Variants in CLOCK observed in about 807,000 individuals in gnomAD.
CLOCK encodes the protein clock circadian regulator, also known as circadian locomoter output cycles protein kaput.
CLOCK carries 43 observed loss-of-function variants against 118.4 expected under a neutral mutation model. The ratio of observed to expected loss-of-function variants is 0.36; its 90% CI spans 0.28 to 0.47. The LOEUF (loss-of-function observed/expected upper bound fraction) is 0.47. CLOCK is among the 20% of genes least tolerant of loss of function. The probability of loss-of-function intolerance (pLI) is 1.00; values close to 1 mark genes in which losing one functional copy is unlikely to be tolerated. For missense variants in CLOCK, 846 were observed against 999.9 expected (o/e 0.85, Z 2.08); for synonymous variants, 326 against 339.2 (o/e 0.96, Z 0.43).
At chr4:55,518,506 G>C (rs924537569) in intron 1 of CLOCK, among the ~76,000 whole-genome samples, 4 of 152,158 alleles carry the variant, frequency 2.6e-5, no homozygotes, top group Non-Finnish European at 5.9e-5. Flanking sequence ...TCAGTGCTAT[G>C]GTCTAAATGT....
intron 2 of CLOCK, among the ~76,000 whole-genome samples, chr4:55,495,948 G>C (rs1195138984): frequency 1.3e-5 from 2 of 152,128 alleles, no homozygotes; most frequent in Non-Finnish European, 2.9e-5. Context: ...CAGCACTTTG[G>C]GAGGTCAAGG....
chr4:55,499,863 C>G (rs549100151), intron 2 of CLOCK, among the ~76,000 whole-genome samples: 1 of 152,272 alleles, frequency 6.6e-6, no homozygotes, highest in East Asian at 1.9e-4. Context: ...TGTGTTCATA[C>G]ATGCAATTAG....
chr4:55,472,578 G>C (rs1242853334), intron 7 of CLOCK, among the ~76,000 whole-genome samples: 1 of 152,084 alleles, frequency 6.6e-6, no homozygotes, highest in Non-Finnish European at 1.5e-5. Flanking sequence ...CCTCTGATAG[G>C]AACCATGTAT....
At chr4:55,498,511 T>C (rs1335343770) in intron 2 of CLOCK, among the ~76,000 whole-genome samples, 1 of 152,118 alleles carries the variant, frequency 6.6e-6, no homozygotes, top group Non-Finnish European at 1.5e-5. Flanking sequence ...GATTTTGCAA[T>C]ATATAATTTA....
chr4:55,505,528 G>A (rs1728744604), intron 2 of CLOCK, among the ~76,000 whole-genome samples: 1 of 151,882 alleles, frequency 6.6e-6, no homozygotes, highest in Non-Finnish European at 1.5e-5. Context: ...GCTGGGTGTT[G>A]TGGCACGTGC....
intron 1 of CLOCK, among the ~76,000 whole-genome samples, chr4:55,526,997 A>G (rs1730246809): frequency 6.6e-6 from 1 of 151,876 alleles, no homozygotes; most frequent in African/African-American, 2.4e-5. Flanking sequence ...AACAATTAAA[A>G]AAAAAAAGGT....
chr4:55,540,650 C>G lies in CLOCK; in HGVS notation c.-290+6132G>C, dbSNP rs555725162. The G allele has an allele frequency of 3.9e-5, 6 of 152,332 alleles. No homozygotes were observed. The South Asian group carries it at 1.2e-3, about 31-fold the overall frequency. The allele number at this position is 152,332 out of a possible 1,614,324, so 9.4% of individuals were successfully genotyped here. A position where few individuals can be genotyped will look rare whatever the true frequency, so the allele number is the denominator to read the frequency against. The stretch of plus-strand genomic sequence containing the variant: ...GCGCAGCTGCTCGTATACCCTTGAC[C>G]CAAGACCAGTCCTCCTCTATTTGGG... On this transcript the variant is annotated intron_variant, in intron 1 of 22. Coordinates refer to ENST00000513440, the MANE Select transcript of CLOCK (RefSeq NM_004898.4).
chr4:55,447,707 A>G (rs774670556), intron 18 of CLOCK, among the ~76,000 whole-genome samples: 1 of 152,184 alleles, frequency 6.6e-6, no homozygotes, highest in Non-Finnish European at 1.5e-5. Flanking sequence ...AATAATATAG[A>G]AAGTATGTAT....
At position 55,533,879 on chromosome 4, in the gene CLOCK, G is replaced by A. The variant is rs565725157; in HGVS notation, c.-290+12903C>T. 5.3e-5 allele frequency among the ~76,000 whole-genome samples: 8 copies of A among 152,226 alleles called. No individual in the cohort carries two copies. The South Asian group carries it at 1.7e-3, about 32-fold the overall frequency. On this transcript the variant is annotated intron_variant, in intron 1 of 22. Coordinates refer to ENST00000513440, the MANE Select transcript of CLOCK (RefSeq NM_004898.4). ...GATCATGCCACTACACTCCAGCCTG[G>A]GCAACAGAGTGAGACTCCATCTCAA...
chr4:55,436,944 C>T (rs1462834421), intron 22 of CLOCK, among the ~76,000 whole-genome samples: 1 of 86,828 alleles, frequency 1.2e-5, no homozygotes, highest in Non-Finnish European at 2.3e-5. Context: ...GGCCTTTGTT[C>T]CTTGACATAC....
At chr4:55,444,876 GAGTGAAGGATGATAACATCC>G in intron 18 of CLOCK, 91 bp from the exon 19 acceptor site, 1 of 1,309,302 alleles carries the variant, frequency 7.6e-7, no homozygotes, top group East Asian at 2.5e-5. Flanking sequence ...AGTATAACAT[GAGTGAAGGATGATAACATCC>G]TTCACTAGTT....
At chr4:55,474,533 T>A (rs111809514) in intron 7 of CLOCK, among the ~76,000 whole-genome samples, 1 of 152,104 alleles carries the variant, frequency 6.6e-6, no homozygotes, top group Non-Finnish European at 1.5e-5. Context: ...CAGCCTTCTA[T>A]TGGGAGAAGA....
At chr4:55,507,045 G>A in intron 2 of CLOCK, among the ~76,000 whole-genome samples, 1 of 152,134 alleles carries the variant, frequency 6.6e-6, no homozygotes, top group Non-Finnish European at 1.5e-5. Flanking sequence ...TGGGCACGGT[G>A]GCTCATGCTT....
At chr4:55,463,193 G>A (rs1725493223) in intron 9 of CLOCK, among the ~76,000 whole-genome samples, 2 of 151,614 alleles carry the variant, frequency 1.3e-5, no homozygotes, top group Admixed American at 1.3e-4. Context: ...TACAGCACAA[G>A]TACCTAGCAA....
chr4:55,515,587 G>A (rs969309391), intron 1 of CLOCK, among the ~76,000 whole-genome samples: 5 of 152,110 alleles, frequency 3.3e-5, no homozygotes, highest in Non-Finnish European at 7.4e-5. Context: ...GTTTCACCGT[G>A]TTAGCCAGGA....
At chr4:55,536,521 C>A (rs1730908551) in intron 1 of CLOCK, among the ~76,000 whole-genome samples, 1 of 152,166 alleles carries the variant, frequency 6.6e-6, no homozygotes, top group South Asian at 2.1e-4. Context: ...CCCCACCTTG[C>A]TCTCTTGCTC....
chr4:55,541,964 A>C (rs940342482), intron 1 of CLOCK, among the ~76,000 whole-genome samples: 1 of 148,590 alleles, frequency 6.7e-6, no homozygotes, highest in East Asian at 2.0e-4. Context: ...AAAAAAAAAA[A>C]CAGCCAGAAA....
chr4:55,459,349 G>T (rs1299580727), intron 9 of CLOCK, 88 bp from the exon 10 acceptor site: 2 of 839,600 alleles, frequency 2.4e-6, no homozygotes, highest in Non-Finnish European at 4.0e-6. Context: ...TAAAAGTTGT[G>T]TAAGTTTACA....
chr4:55,446,255 G>A (rs937782006), intron 18 of CLOCK, among the ~76,000 whole-genome samples: 4 of 151,656 alleles, frequency 2.6e-5, no homozygotes, highest in South Asian at 4.2e-4. Context: ...CACCATGCCC[G>A]GCTAATGTTT....
Sources: gnomAD v4.1 joint callset for allele counts (sites outside exome capture counted in the v4.1 genomes callset) on GRCh38, gnomAD v4.1.1 for gene constraint, MANE v1.5 for transcripts, NCBI Gene and HGNC (gene_info 2026-07-23, HGNC 2026-07-21) for gene names.